CD53: variants seen among roughly 807,000 people sequenced by gnomAD.
CD53 encodes the protein leukocyte surface antigen CD53.
Under a neutral mutation model 27.3 loss-of-function variants are expected in CD53, and 20 were observed. The ratio of observed to expected loss-of-function variants is 0.73; its 90% CI spans 0.52 to 1.07. The LOEUF (loss-of-function observed/expected upper bound fraction) is 1.07, where lower values mean the gene tolerates loss of function less well. Among genes scored for constraint, CD53 ranks in the 50% least tolerant of loss-of-function variants. The probability of loss-of-function intolerance (pLI) is 0.00; values close to 1 mark genes in which losing one functional copy is unlikely to be tolerated. For synonymous variants in CD53, 106 were observed against 105.3 expected (o/e 1.01, Z -0.04); for missense variants, 216 against 264.0 (o/e 0.82, Z 1.26).
chr1:110,896,361 AG>A (rs1318990485), intron 5 of CD53, among the ~76,000 whole-genome samples: 3 of 152,212 alleles, frequency 2.0e-5, no homozygotes, highest in African/African-American at 7.2e-5. Context: ...TGGTGGGTCC[AG>A]GGGTGGTCAG....
intron 5 of CD53, 146 bp downstream of exon 5, chr1:110,895,201 A>C: frequency 1.6e-6 from 1 of 634,220 alleles, no homozygotes; most frequent in Non-Finnish European, 2.9e-6. Context: ...TATCACAAAC[A>C]TGGGAGCCCA....
At chr1:110,872,681 T>G (rs1309618752), upstream of CD53, among the ~76,000 whole-genome samples, 1 of 152,046 alleles carries the variant, frequency 6.6e-6, no homozygotes, top group Non-Finnish European at 1.5e-5. Context: ...AGAGGGAGTA[T>G]GAGGAGGGGG....
intron 1 of CD53, among the ~76,000 whole-genome samples, chr1:110,884,349 T>G (rs896490260): frequency 2.0e-5 from 3 of 152,124 alleles, no homozygotes; most frequent in African/African-American, 7.2e-5. Context: ...GCTAATTCAA[T>G]TCCTTCTAAA....
At chr1:110,882,802 T>C (rs1451999256) in intron 1 of CD53, among the ~76,000 whole-genome samples, 3 of 152,080 alleles carry the variant, frequency 2.0e-5, no homozygotes, top group Middle Eastern at 3.2e-3. Context: ...GATTTATGCC[T>C]AAGTATTTCA....
chr1:110,883,611 A>G (rs1183674164), intron 1 of CD53, among the ~76,000 whole-genome samples: 1 of 152,000 alleles, frequency 6.6e-6, no homozygotes, highest in African/African-American at 2.4e-5. Context: ...AAGACTTGAT[A>G]TAGAATCAGT....
chr1:110,888,403 G>T (rs1001227741), intron 1 of CD53, among the ~76,000 whole-genome samples: 3 of 152,160 alleles, frequency 2.0e-5, no homozygotes, highest in African/African-American at 4.8e-5. Flanking sequence ...TATGCTCCAT[G>T]GTTTGGAAAC....
chr1:110,874,259 G>A (rs959728517), intron 1 of CD53, among the ~76,000 whole-genome samples: 3 of 152,186 alleles, frequency 2.0e-5, no homozygotes, highest in African/African-American at 7.2e-5. Context: ...GAGGGCTCTG[G>A]ATTCCCAAAA....
At chr1:110,892,789 G>A in intron 3 of CD53, 1 of 410,762 alleles carries the variant, frequency 2.4e-6, no homozygotes, top group Middle Eastern at 6.3e-4. Context: ...TGTCATTATT[G>A]TAATTCCCCT....
At position 110,894,515 on chromosome 1, in the gene CD53, G is replaced by A. The variant is rs115315193; in HGVS notation, c.327+114G>A. On this transcript the variant is annotated intron_variant, in intron 4 of 7. Transcript: ENST00000271324. The stretch of plus-strand genomic sequence containing the variant: ...TCTATAATAGAGATAGAAATGAAGT[G>A]GAAGGATAGAGGAAACAGAGAGTAA... 2.5e-3 allele frequency: 2,004 copies of A among 810,450 alleles called. 8 individuals are homozygous for A. The highest frequency in any genetic ancestry group is 3.7e-3 in the Non-Finnish European group (1,774 of 478,094). 50.2% of individuals were successfully genotyped at this position (810,450 alleles called of 1,614,324 possible).
chr1:110,898,293 C>T (rs918038469), intron 7 of CD53, among the ~76,000 whole-genome samples: 2 of 147,436 alleles, frequency 1.4e-5, no homozygotes, highest in African/African-American at 2.5e-5. Context: ...AGGAGAATGG[C>T]GTGAACCTGG....
At chr1:110,880,436 A>T (rs1459834815) in intron 1 of CD53, 1 of 152,176 alleles carries the variant, frequency 6.6e-6, no homozygotes, top group Non-Finnish European at 1.5e-5. Flanking sequence ...GGAAAGAATC[A>T]GTAGGAATGT....
chr1:110,879,567 T>C (rs1656268821), intron 1 of CD53, among the ~76,000 whole-genome samples: 2 of 152,212 alleles, frequency 1.3e-5, no homozygotes, highest in Admixed American at 1.3e-4. Flanking sequence ...TACACTGTTT[T>C]TTTTTCTTTA....
intron 1 of CD53, among the ~76,000 whole-genome samples, chr1:110,887,343 C>T (rs1397308616): frequency 1.3e-5 from 2 of 152,168 alleles, no homozygotes; most frequent in East Asian, 1.9e-4. Context: ...GGATTACAGG[C>T]GTGAGCCACC....
intron 1 of CD53, among the ~76,000 whole-genome samples, chr1:110,881,075 C>T (rs889765973): frequency 2.0e-5 from 3 of 152,152 alleles, no homozygotes; most frequent in Non-Finnish European, 4.4e-5. Context: ...GGGGGTGTTG[C>T]CATGAGTGTG....
At chr1:110,895,853 A>C (rs1017179588) in intron 5 of CD53, among the ~76,000 whole-genome samples, 3 of 152,180 alleles carry the variant, frequency 2.0e-5, no homozygotes, top group Admixed American at 2.0e-4. Context: ...TTTTCGTTAG[A>C]ATATGTTAAA....
At chr1:110,888,708 A>C (rs1316723650) in intron 1 of CD53, among the ~76,000 whole-genome samples, 1 of 152,234 alleles carries the variant, frequency 6.6e-6, no homozygotes, top group Admixed American at 6.5e-5. Context: ...AAAATACTAT[A>C]ATTTAAAAAT....
chr1:110,893,233 A>G (rs1158135708), intron 3 of CD53, among the ~76,000 whole-genome samples: 1 of 152,212 alleles, frequency 6.6e-6, no homozygotes, highest in African/African-American at 2.4e-5. Flanking sequence ...TGGGTTTCTA[A>G]TCACATTGGT....
upstream of CD53, among the ~76,000 whole-genome samples, chr1:110,872,078 G>A (rs966688504): frequency 6.6e-6 from 1 of 152,120 alleles, no homozygotes; most frequent in Non-Finnish European, 1.5e-5. Flanking sequence ...AGTCAGCACC[G>A]CAGAGTGCAT....
intron 1 of CD53, among the ~76,000 whole-genome samples, chr1:110,882,700 G>A (rs781676783): frequency 5.9e-5 from 9 of 151,902 alleles, no homozygotes; most frequent in Non-Finnish European, 1.0e-4. Flanking sequence ...GATGGACGTG[G>A]TATATCTCTC....
Sources: gnomAD v4.1 joint callset for allele counts (sites outside exome capture counted in the v4.1 genomes callset) on GRCh38, gnomAD v4.1.1 for gene constraint, MANE v1.5 for transcripts, NCBI Gene and HGNC (gene_info 2026-07-23, HGNC 2026-07-21) for gene names.